CACNB4: variants seen among roughly 807,000 people sequenced by gnomAD.
The protein encoded by CACNB4 is calcium voltage-gated channel auxiliary subunit beta 4.
A neutral mutation model predicts 71.2 loss-of-function variants in CACNB4; 32 were observed. That is an observed-to-expected ratio of 0.45 (90% CI 0.34 to 0.60). CACNB4 has a LOEUF of 0.60. Among genes scored for constraint, CACNB4 ranks in the 20% least tolerant of loss-of-function variants. The pLI is 0.01. For missense variants in CACNB4, 464 were observed against 647.9 expected (o/e 0.72, Z 3.08); for synonymous variants, 231 against 236.9 (o/e 0.97, Z 0.23).
At chr2:151,989,656 TG>T (rs1285662965) in intron 2 of CACNB4, among the ~76,000 whole-genome samples, 1 of 152,220 alleles carries the variant, frequency 6.6e-6, no homozygotes, top group Non-Finnish European at 1.5e-5. Context: ...CATCTTCTGA[TG>T]ATTCATAAAT....
At chr2:152,067,278 T>C (rs926984820) in intron 2 of CACNB4, among the ~76,000 whole-genome samples, 1 of 152,166 alleles carries the variant, frequency 6.6e-6, no homozygotes, top group Non-Finnish European at 1.5e-5. Flanking sequence ...AGTTCTGAGA[T>C]ATATTTTATA....
At chr2:152,005,479 A>G (rs991530991) in intron 2 of CACNB4, among the ~76,000 whole-genome samples, 2 of 152,210 alleles carry the variant, frequency 1.3e-5, no homozygotes, top group African/African-American at 2.4e-5. Flanking sequence ...TTGGGGTCAC[A>G]CAGACATAAA....
intron 2 of CACNB4, among the ~76,000 whole-genome samples, chr2:152,012,530 G>T (rs1683117204): frequency 6.6e-6 from 1 of 151,672 alleles, no homozygotes. Context: ...CTTGAACCCG[G>T]GAGGCGGAGG....
intron 2 of CACNB4, among the ~76,000 whole-genome samples, chr2:152,032,326 C>G (rs1351697765): frequency 6.6e-6 from 1 of 152,226 alleles, no homozygotes; most frequent in Non-Finnish European, 1.5e-5. Context: ...TGTCTCCTGA[C>G]TCTCAGTGTA....
chr2:151,883,440 C>G, intron 2 of CACNB4, 70 bp from the exon 3 acceptor site: 1 of 1,527,106 alleles, frequency 6.5e-7, no homozygotes, highest in Non-Finnish European at 9.0e-7. Context: ...TAACAGTATC[C>G]TGGGGCGAGT....
chr2:151,949,112 G>A (rs894717562), intron 2 of CACNB4, among the ~76,000 whole-genome samples: 1 of 148,750 alleles, frequency 6.7e-6, no homozygotes, highest in African/African-American at 2.5e-5. Flanking sequence ...CTCCTTCTTT[G>A]TCCCTTCCTC....
intron 2 of CACNB4, among the ~76,000 whole-genome samples, chr2:151,925,503 C>T (rs969877093): frequency 1.3e-5 from 2 of 152,160 alleles, no homozygotes; most frequent in African/African-American, 4.8e-5. Context: ...TGAATGAATT[C>T]CATAAGTCAC....
intron 4 of CACNB4, among the ~76,000 whole-genome samples, chr2:151,878,100 T>A (rs547628689): frequency 1.3e-5 from 2 of 152,270 alleles, no homozygotes; most frequent in South Asian, 4.1e-4. Flanking sequence ...TGACCCAAAA[T>A]ATATATATTT....
intron 2 of CACNB4, among the ~76,000 whole-genome samples, chr2:151,965,605 T>C (rs1466047936): frequency 6.6e-6 from 1 of 152,202 alleles, no homozygotes; most frequent in South Asian, 2.1e-4. Flanking sequence ...AATATTTTTA[T>C]ATCAATACTC....
chr2:151,842,238 G>T, intron 12 of CACNB4, 150 bp from the exon 13 acceptor site: 1 of 603,218 alleles, frequency 1.7e-6, no homozygotes, highest in Non-Finnish European at 3.0e-6. Context: ...TAAAGTTAGG[G>T]TCAAGTGAAG....
intron 2 of CACNB4, among the ~76,000 whole-genome samples, chr2:152,022,923 G>T (rs572745432): frequency 8.5e-5 from 13 of 152,274 alleles, no homozygotes; most frequent in Non-Finnish European, 1.9e-4. Context: ...ACTTGGAAAA[G>T]TTAAGGAACA....
At chr2:152,028,555 T>A (rs1261693035) in intron 2 of CACNB4, among the ~76,000 whole-genome samples, 2 of 152,230 alleles carry the variant, frequency 1.3e-5, no homozygotes, top group African/African-American at 2.4e-5. Flanking sequence ...ACAATGATTA[T>A]ATATAACCAT....
chr2:152,055,340 T>C (rs1289396044), intron 2 of CACNB4, among the ~76,000 whole-genome samples: 1 of 152,236 alleles, frequency 6.6e-6, no homozygotes, highest in Non-Finnish European at 1.5e-5. Context: ...TAGTAACCTT[T>C]GAAGCACAGA....
At chr2:152,016,948 GTT>G (rs1391684139) in intron 2 of CACNB4, among the ~76,000 whole-genome samples, 1 of 152,172 alleles carries the variant, frequency 6.6e-6, no homozygotes, top group Non-Finnish European at 1.5e-5. Context: ...GGCAAAGAGA[GTT>G]TTCACAGATT....
intron 2 of CACNB4, among the ~76,000 whole-genome samples, chr2:151,949,039 T>C (rs1183668416): frequency 6.6e-6 from 1 of 151,930 alleles, no homozygotes; most frequent in Admixed American, 6.6e-5. Flanking sequence ...TTTGGTCTTT[T>C]TCTTTGCCTG....
intron 2 of CACNB4, among the ~76,000 whole-genome samples, chr2:151,963,364 T>TACAG (rs1344947301): frequency 6.7e-6 from 1 of 150,094 alleles, no homozygotes; most frequent in Non-Finnish European, 1.5e-5. Context: ...CCACTTCTAC[T>TACAG]ACAGATTGCG....
chr2:152,009,545 C>A (rs1480583787), intron 2 of CACNB4, among the ~76,000 whole-genome samples: 1 of 152,124 alleles, frequency 6.6e-6, no homozygotes, highest in Non-Finnish European at 1.5e-5. Context: ...ACTCTCTGTA[C>A]CACTGTCACA....
rs1269455593 is a variant in CACNB4 at position 151,971,785 on chromosome 2, T to C, written c.148-88415A>G. ...CATCTCTCTCTTCCCCTGATTTATG[T>C]GACACGGTTTCAATCCCGCCCACCT... is the stretch of plus-strand genomic sequence containing the variant. On this transcript the variant is annotated intron_variant, in intron 2 of 13. Coordinates refer to ENST00000539935, the MANE Select transcript of CACNB4 (RefSeq NM_000726.5). 4 of 591,550 alleles carry C rather than the reference T, an allele frequency of 6.8e-6. No individual in the cohort carries two copies. The East Asian group carries it at 1.1e-4, about 17-fold the overall frequency. The allele number at this position is 591,550 out of a possible 1,614,324, so 36.6% of individuals were successfully genotyped here. A position where few individuals can be genotyped will look rare whatever the true frequency, so the allele number is the denominator to read the frequency against.
Position 152,061,324 on chromosome 2 carries a change from A to C in CACNB4, c.147+37006T>G, listed in dbSNP as rs1686002660. On this transcript the variant is annotated intron_variant, in intron 2 of 13. Transcript: ENST00000539935. ...AAGATCCTGTCTCTAAAAAAAAATTAATTTAGTTTTTAAAAATATCTGAAA... is the reference window on the plus strand; with the variant it reads ...AAGATCCTGTCTCTAAAAAAAAATTCATTTAGTTTTTAAAAATATCTGAAA... 3.9e-5 allele frequency among the ~76,000 whole-genome samples: 6 copies of C among 152,278 alleles called. No individual in the cohort carries two copies. The South Asian group carries it at 1.2e-3, about 32-fold the overall frequency.
Sources: gnomAD v4.1 joint callset for allele counts (sites outside exome capture counted in the v4.1 genomes callset) on GRCh38, gnomAD v4.1.1 for gene constraint, MANE v1.5 for transcripts, NCBI Gene and HGNC (gene_info 2026-07-23, HGNC 2026-07-21) for gene names.